The following FGR variants were observed in gnomAD, a reference collection of about 807,000 sequenced individuals.
The protein encoded by FGR is tyrosine-protein kinase Fgr.
Under a neutral mutation model 63.2 loss-of-function variants are expected in FGR, and 26 were observed. The observed-to-expected ratio is 0.41, with a 90% confidence interval of 0.30 to 0.57. The LOEUF is 0.57. Ranked by LOEUF, FGR falls within the 20% of genes least tolerant of loss-of-function variation. FGR has a pLI of 0.27. For synonymous variants in FGR, 286 were observed against 277.7 expected (o/e 1.03, Z -0.30); for missense variants, 511 against 690.8 (o/e 0.74, Z 2.92).
intron 11 of FGR, among the ~76,000 whole-genome samples, chr1:27,613,897 G>T (rs1349681286): frequency 6.6e-6 from 1 of 152,042 alleles, no homozygotes. Flanking sequence ...CCAATACTTG[G>T]CTAGCCTTTC....
intron 1 of FGR, among the ~76,000 whole-genome samples, chr1:27,630,800 C>T (rs1409111456): frequency 2.6e-5 from 4 of 152,072 alleles, no homozygotes; most frequent in Non-Finnish European, 5.9e-5. Flanking sequence ...CTCCGAGATC[C>T]CCATCAGGGT....
chr1:27,628,816 A>G (rs74060731), intron 1 of FGR, among the ~76,000 whole-genome samples: 12,933 of 152,218 alleles, frequency 0.085, 1,400 homozygotes, highest in African/African-American at 0.26. Flanking sequence ...CCCTGGCAGG[A>G]CTGACCGTGT....
Position 27,617,400 on chromosome 1 carries a change from A to AC in FGR, c.429-105_429-104insG. 1.3e-6 allele frequency: 1 copy of AC among 785,678 alleles called. No individual in the cohort carries two copies. Among genetic ancestry groups the AC allele is most frequent in the Non-Finnish European group, 2.2e-6 (1 of 457,748 alleles). 48.7% of individuals were successfully genotyped at this position (785,678 alleles called of 1,614,324 possible). ...CCAAGACTCCATTTTCCCCATGTGT[A>AC]AAATGGGGCTGGTACACCTGCTTCA... On this transcript the variant is annotated intron_variant, in intron 5 of 12. Transcript: ENST00000374005. The surrounding 1 kb of genome is among the most constrained non-coding windows in gnomAD (Gnocchi z 4.5).
intron 1 of FGR, among the ~76,000 whole-genome samples, chr1:27,625,475 C>T (rs1001535055): frequency 6.6e-6 from 1 of 152,234 alleles, no homozygotes; most frequent in Admixed American, 6.5e-5. Flanking sequence ...CAAGCCCAAG[C>T]TCACAATAGC....
rs2089834385 is a variant in FGR, at chr1:27,617,353, T to G, written c.429-57A>C. 8.2e-7 allele frequency: 1 copy of G among 1,226,616 alleles called. No individual in the cohort carries two copies. Among genetic ancestry groups the G allele is most frequent in the Non-Finnish European group, 1.2e-6 (1 of 831,634 alleles). 76.0% of individuals were successfully genotyped at this position (1,226,616 alleles called of 1,614,324 possible). A position where few individuals can be genotyped will look rare whatever the true frequency, so the allele number is the denominator to read the frequency against. Reference sequence around the variant, plus strand: ...GCTCTGCTCAAACCTCACCTCAGCCTCCTGCACAGTCACCTCACAAGCCAA... The same window carrying G: ...GCTCTGCTCAAACCTCACCTCAGCCGCCTGCACAGTCACCTCACAAGCCAA... On this transcript the variant is annotated intron_variant, in intron 5 of 12. Transcript: ENST00000374005. This position sits in a 1 kb window ranked among gnomAD's most constrained non-coding sequence, Gnocchi z 4.5.
chr1:27,614,618 T>G (rs199530335), intron 10 of FGR, 35 bp from the exon 11 acceptor site: 1 of 1,609,190 alleles, frequency 6.2e-7, no homozygotes, highest in East Asian at 2.2e-5. Flanking sequence ...TGGGAGCTCA[T>G]GTGGACTCAC....
At chr1:27,628,495 C>T (rs1345087491) in intron 1 of FGR, among the ~76,000 whole-genome samples, 1 of 138,686 alleles carries the variant, frequency 7.2e-6, no homozygotes, top group Non-Finnish European at 1.6e-5. Flanking sequence ...CCACACTGTC[C>T]CCCCACCCCC....
At chr1:27,627,658 G>C (rs1472596459) in intron 1 of FGR, among the ~76,000 whole-genome samples, 1 of 152,038 alleles carries the variant, frequency 6.6e-6, no homozygotes, top group East Asian at 1.9e-4. Flanking sequence ...ACCCAGGCTG[G>C]AGTGCAATGG....
At chr1:27,628,907 C>T (rs2090064939) in intron 1 of FGR, among the ~76,000 whole-genome samples, 1 of 152,190 alleles carries the variant, frequency 6.6e-6, no homozygotes, top group African/African-American at 2.4e-5. Flanking sequence ...CCAGGCCTGG[C>T]TCTCTGGGGA....
chr1:27,632,003 CG>C (rs1171326171), intron 1 of FGR, among the ~76,000 whole-genome samples: 29 of 152,176 alleles, frequency 1.9e-4, no homozygotes, highest in Admixed American at 1.6e-3. Flanking sequence ...TCCCTCAGAC[CG>C]GGCGGGCTTC....
Position 27,616,737 on chromosome 1 carries a change from G to A in FGR, c.682+120C>T. 1 of 1,115,660 alleles carries A rather than the reference G, an allele frequency of 9.0e-7. No individual in the cohort carries two copies. The highest frequency in any genetic ancestry group is 1.3e-6 in the Non-Finnish European group (1 of 761,064). The allele number at this position is 1,115,660 out of a possible 1,614,324, so 69.1% of individuals were successfully genotyped here. On this transcript the variant is annotated intron_variant, in intron 7 of 12. Transcript: ENST00000374005. This position sits in a 1 kb window ranked among gnomAD's most constrained non-coding sequence, Gnocchi z 4.3. ...CTGGGCTGGCAGACCCCATCCTTGG[G>A]TTCTGGTTTCCGTCTGGCCAATACT...
rs1437774474 is a variant in FGR at position 27,623,141 on chromosome 1, A to G, written c.230T>C (p.Ile77Thr). The G allele has an allele frequency of 1.2e-6, 2 of 1,612,904 alleles. No individual in the cohort carries two copies. The highest frequency in any genetic ancestry group is 3.3e-5 in the Admixed American group (2 of 60,020). Residue 77 changes from isoleucine to threonine, a missense_variant, in exon 4 of 13, where the codon ATT becomes ACT. Coordinates refer to ENST00000374005, the MANE Select transcript of FGR (RefSeq NM_005248.3). ...DSGTIRGVSGIGVTLFIALYD... is the reference protein window; with the variant it reads ...DSGTIRGVSGTGVTLFIALYD... ...CAGGGCAATGAACAGGGTCACCCCA[A>G]TCCCTGCAGAGTCAGGGCTACTCAG...
chr1:27,625,538 G>A (rs571536280), intron 1 of FGR, among the ~76,000 whole-genome samples: 3 of 152,226 alleles, frequency 2.0e-5, no homozygotes, highest in South Asian at 2.1e-4. Flanking sequence ...GTTAACAGAC[G>A]AACACACTCA....
At chr1:27,632,127 T>A (rs917264067) in intron 1 of FGR, among the ~76,000 whole-genome samples, 1 of 148,070 alleles carries the variant, frequency 6.8e-6, no homozygotes, top group Non-Finnish European at 1.5e-5. Flanking sequence ...TTGTTCTTCT[T>A]CTTCTTCTTC....
At chr1:27,632,119 GTTCTTC>G (rs528582306) in intron 1 of FGR, among the ~76,000 whole-genome samples, 34 of 147,266 alleles carry the variant, frequency 2.3e-4, no homozygotes, top group African/African-American at 4.3e-4. Flanking sequence ...TTCTTTCTTT[GTTCTTC>G]TTCTTCTTCT....
Position 27,614,446 on chromosome 1 carries a change from C to T in FGR, c.1233G>A (p.Glu411=), listed in dbSNP as rs751602520. ...FGLARLIKDD[E]YNPCQGSKFP... Reference sequence around the variant, plus strand: ...GCAGGGCACCTTGGCAGGGGTTGTACTCATCGTCCTTGATGAGACGCGCCA... The same window carrying T: ...GCAGGGCACCTTGGCAGGGGTTGTATTCATCGTCCTTGATGAGACGCGCCA... The change falls in exon 11 of 13, where the codon GAG becomes GAA. Residue 411 remains glutamate, a synonymous_variant. Coordinates refer to ENST00000374005, the MANE Select transcript of FGR (RefSeq NM_005248.3). 6 of 1,613,388 alleles carry T rather than the reference C, an allele frequency of 3.7e-6. No individual in the cohort carries two copies. Among genetic ancestry groups the T allele is most frequent in the South Asian group, 3.3e-5 (3 of 90,864 alleles).
Position 27,615,753 on chromosome 1 carries a change from G to C in FGR, c.774C>G (p.Ile258Met). 1.2e-6 allele frequency: 2 copies of C among 1,607,158 alleles called. No homozygotes were observed. The highest frequency in any genetic ancestry group is 1.7e-6 in the Non-Finnish European group (2 of 1,176,860). The change falls in exon 8 of 13, where the codon ATC becomes ATG. Residue 258 changes from isoleucine (I) to methionine (M), a missense_variant. Coordinates refer to ENST00000374005, the MANE Select transcript of FGR (RefSeq NM_005248.3). This position sits in a 1 kb window ranked among gnomAD's most constrained non-coding sequence, Gnocchi z 7.6. ...GCTCCAGCGTGATGGAGCTGCGGCT[G>C]ATCTCCCAGGCGTCCTTGGCCAGGC... ...TLGLAKDAWE[I>M]SRSSITLERR...
At chr1:27,614,287 G>T in intron 11 of FGR, 143 bp downstream of exon 11, 1 of 964,878 alleles carries the variant, frequency 1.0e-6, no homozygotes, top group Non-Finnish European at 1.5e-6. Context: ...CCTGGGATTT[G>T]AGCCCAGAAT....
chr1:27,614,936 A>T lies in FGR; in HGVS notation c.1019-10T>A. 1 of 1,592,354 alleles carries T rather than the reference A, an allele frequency of 6.3e-7. No individual in the cohort carries two copies. Among genetic ancestry groups the T allele is most frequent in the Non-Finnish European group, 8.6e-7 (1 of 1,167,616 alleles). On this transcript the variant is annotated splice_polypyrimidine_tract_variant and intron_variant, in intron 9 of 12. Transcript: ENST00000374005. Reference sequence around the variant, plus strand: ...AAATCCAGCAAGCTGCCTGGGAAGAAGCCAGAAAGTCAGCGGCAAAGCCCT... The same window carrying T: ...AAATCCAGCAAGCTGCCTGGGAAGATGCCAGAAAGTCAGCGGCAAAGCCCT...
Sources: allele counts gnomAD v4.1 joint callset (sites outside exome capture counted in the v4.1 genomes callset), GRCh38; gene constraint gnomAD v4.1.1; non-coding constraint Gnocchi (gnomAD v3.1); transcripts MANE v1.5; gene names NCBI Gene and HGNC (gene_info 2026-07-23, HGNC 2026-07-21).